TWSG1: variants seen among roughly 807,000 people sequenced by gnomAD.
The protein encoded by TWSG1 is twisted gastrulation BMP signaling modulator 1, also known as twisted gastrulation protein homolog 1.
In TWSG1, 15 loss-of-function variants were observed where a neutral mutation model predicts 23.0. The observed-to-expected ratio is 0.65, with a 90% CI of 0.44 to 1.00. The LOEUF is 1.00. TWSG1 is among the 50% of genes least tolerant of loss of function. The probability of loss-of-function intolerance (pLI) is 0.00; values close to 1 mark genes in which losing one functional copy is unlikely to be tolerated. For missense variants in TWSG1, 242 were observed against 278.7 expected (o/e 0.87, Z 0.94); for synonymous variants, 86 against 92.8 (o/e 0.93, Z 0.42).
chr18:9,351,843 G>A (rs867444117), intron 2 of TWSG1, among the ~76,000 whole-genome samples: 5 of 151,752 alleles, frequency 3.3e-5, no homozygotes, highest in African/African-American at 9.7e-5. Flanking sequence ...ATGGGGTTTC[G>A]CTGTATTGGC....
chr18:9,348,629 C>T (rs182222083), intron 2 of TWSG1, among the ~76,000 whole-genome samples: 1 of 152,308 alleles, frequency 6.6e-6, no homozygotes, highest in East Asian at 1.9e-4. Flanking sequence ...AAGTACAGGG[C>T]ACATTGACAT....
intron 3 of TWSG1, among the ~76,000 whole-genome samples, chr18:9,360,335 A>G (rs1009422491): frequency 6.6e-6 from 1 of 151,994 alleles, no homozygotes; most frequent in Non-Finnish European, 1.5e-5. Flanking sequence ...AAGTTTTTGT[A>G]CTGTTGAATT....
rs777223722 is a variant in TWSG1, at chr18:9,396,254, A to ATT, written c.224-25_224-24insTT. 1.8e-4 allele frequency: 289 copies of ATT among 1,608,184 alleles called. 2 individuals carry two copies. In the East Asian group the frequency reaches 6.4e-3, roughly 36 times the overall value. Reference sequence around the variant, plus strand: ...TGATTGCAAGGCAGTAACTAACAAAATCTTATGATATTACCCCCAACCCAG... The same window carrying ATT: ...TGATTGCAAGGCAGTAACTAACAAAATTTCTTATGATATTACCCCCAACCCAG... On this transcript the variant is annotated intron_variant, in intron 3 of 4. Coordinates refer to ENST00000262120, the MANE Select transcript of TWSG1 (RefSeq NM_020648.6).
chr18:9,398,606 C>T (rs1476956039), intron 4 of TWSG1, among the ~76,000 whole-genome samples: 1 of 151,918 alleles, frequency 6.6e-6, no homozygotes, highest in African/African-American at 2.4e-5. Flanking sequence ...TACAGGTACC[C>T]ACCACCATGC....
chr18:9,346,222 A>T (rs1182231390), intron 2 of TWSG1, among the ~76,000 whole-genome samples: 2 of 152,094 alleles, frequency 1.3e-5, no homozygotes, highest in Non-Finnish European at 2.9e-5. Flanking sequence ...CCACAATGTC[A>T]TATAGTTGGA....
chr18:9,391,344 C>T (rs1183699109), intron 3 of TWSG1, among the ~76,000 whole-genome samples: 1 of 152,206 alleles, frequency 6.6e-6, no homozygotes, highest in Non-Finnish European at 1.5e-5. Flanking sequence ...GAATGTTGTA[C>T]TCAACGTCTC....
intron 2 of TWSG1, among the ~76,000 whole-genome samples, chr18:9,348,768 T>C (rs975327398): frequency 1.3e-5 from 2 of 152,212 alleles, no homozygotes; most frequent in African/African-American, 2.4e-5. Context: ...TAAAAAGATA[T>C]TAGTTCCCTT....
chr18:9,387,934 A>G (rs2040693493), intron 3 of TWSG1: 1 of 152,224 alleles, frequency 6.6e-6, no homozygotes, highest in Non-Finnish European at 1.5e-5. Flanking sequence ...TCTAAAATTC[A>G]GTTCATGATC....
chr18:9,335,220 TC>T (rs2041160541), intron 1 of TWSG1, among the ~76,000 whole-genome samples: 1 of 152,034 alleles, frequency 6.6e-6, no homozygotes, highest in African/African-American at 2.4e-5. Context: ...GGGTGCCCGG[TC>T]CCCCACACCG....
At chr18:9,399,018 A>G (rs945171741) in intron 4 of TWSG1, among the ~76,000 whole-genome samples, 2 of 151,966 alleles carry the variant, frequency 1.3e-5, no homozygotes, top group Non-Finnish European at 2.9e-5. Flanking sequence ...AAAAAAAAAA[A>G]GGAAATGCCC....
At chr18:9,395,938 C>G (rs1162077590) in intron 3 of TWSG1, among the ~76,000 whole-genome samples, 1 of 152,136 alleles carries the variant, frequency 6.6e-6, no homozygotes, top group Non-Finnish European at 1.5e-5. Context: ...TGTGTCTCTT[C>G]AGCATGTCCC....
Position 9,337,250 on chromosome 18 carries a change from T to C in TWSG1, c.21T>C (p.Ala7=). The change falls in exon 2 of 5, where the codon GCT becomes GCC. Residue 7 remains alanine, a synonymous_variant. Transcript: ENST00000262120. The part of the protein sequence containing the change: MKLHYV[A]VLTLAILMFL... ...GAAACATGAAGTTACACTATGTTGC[T>C]GTGCTTACTCTAGCCATCCTGATGT... is the stretch of plus-strand genomic sequence containing the variant. The C allele has an allele frequency of 6.2e-7, 1 of 1,612,664 alleles. No homozygotes were observed. The highest frequency in any genetic ancestry group is 8.5e-7 in the Non-Finnish European group (1 of 1,179,994).
intron 3 of TWSG1, among the ~76,000 whole-genome samples, chr18:9,374,037 C>T (rs1481278920): frequency 6.6e-6 from 1 of 151,974 alleles, no homozygotes; most frequent in East Asian, 1.9e-4. Flanking sequence ...TTGAGGGATG[C>T]CATGAAAGCA....
At chr18:9,362,619 GTGTA>G (rs1208666029) in intron 3 of TWSG1, among the ~76,000 whole-genome samples, 1 of 152,228 alleles carries the variant, frequency 6.6e-6, no homozygotes, top group Non-Finnish European at 1.5e-5. Flanking sequence ...GTTTGTGCGA[GTGTA>G]TGAATGTGAG....
Position 9,350,188 on chromosome 18 carries a change from T to G in TWSG1, c.124-9784T>G, listed in dbSNP as rs145917931. Among the ~76,000 whole-genome samples the G allele has an allele frequency of 2.4e-4, 36 of 152,270 alleles. No individual in the cohort carries two copies. In the East Asian group the frequency reaches 6.8e-3, roughly 29 times the overall value. On this transcript the variant is annotated intron_variant, in intron 2 of 4. Coordinates refer to ENST00000262120, the MANE Select transcript of TWSG1 (RefSeq NM_020648.6). ...TAACCTATTTTTGTCCTGTTTTGCT[T>G]CAGTTAACACCCCATGAAAATCTCT...
At chr18:9,367,624 C>T (rs1032311070) in intron 3 of TWSG1, among the ~76,000 whole-genome samples, 3 of 152,182 alleles carry the variant, frequency 2.0e-5, no homozygotes, top group Non-Finnish European at 2.9e-5. Flanking sequence ...GCTCCGTCTC[C>T]TGTCAGGTCA....
chr18:9,380,416 G>C (rs1239223896), intron 3 of TWSG1, among the ~76,000 whole-genome samples: 1 of 152,202 alleles, frequency 6.6e-6, no homozygotes, highest in African/African-American at 2.4e-5. Flanking sequence ...ATGGCTTCTA[G>C]ATGTTATACA....
intron 4 of TWSG1, among the ~76,000 whole-genome samples, chr18:9,397,529 T>G (rs549320685): frequency 3.9e-5 from 6 of 152,382 alleles, no homozygotes; most frequent in East Asian, 1.9e-4. Context: ...AAAGAGCATG[T>G]GACTTTTATA....
At chr18:9,354,922 CAT>C (rs1048673587) in intron 2 of TWSG1, among the ~76,000 whole-genome samples, 6 of 151,796 alleles carry the variant, frequency 4.0e-5, no homozygotes, top group Non-Finnish European at 7.4e-5. Context: ...TTATAGAAGA[CAT>C]GTGTTCTTAT....
Sources: allele counts gnomAD v4.1 joint callset (sites outside exome capture counted in the v4.1 genomes callset), GRCh38; gene constraint gnomAD v4.1.1; transcripts MANE v1.5; gene names NCBI Gene and HGNC (gene_info 2026-07-23, HGNC 2026-07-21).